The following DCUN1D1 variants were observed in gnomAD, a reference collection of about 807,000 sequenced individuals.
DCUN1D1 encodes the protein DCN1-like protein 1.
In DCUN1D1, 3 loss-of-function variants were observed where a neutral mutation model predicts 39.0. The ratio of observed to expected loss-of-function variants is 0.08; its 90% CI spans 0.04 to 0.20. The LOEUF is 0.20. Ranked by LOEUF, DCUN1D1 falls within the 10% of genes least tolerant of loss-of-function variation. The pLI, the probability that DCUN1D1 is intolerant of heterozygous loss-of-function variation, is 1.00. For missense variants in DCUN1D1, 158 were observed against 302.4 expected (o/e 0.52, Z 3.54); for synonymous variants, 82 against 96.3 (o/e 0.85, Z 0.87).
intron 4 of DCUN1D1, among the ~76,000 whole-genome samples, chr3:182,956,982 G>A (rs1302091529): frequency 2.6e-5 from 4 of 152,298 alleles, no homozygotes; most frequent in South Asian, 4.1e-4. Context: ...AATGTCTCCT[G>A]TAAGAAGAAT....
chr3:182,963,124 A>G (rs1727489276), intron 3 of DCUN1D1, among the ~76,000 whole-genome samples: 1 of 152,124 alleles, frequency 6.6e-6, no homozygotes, highest in South Asian at 2.1e-4. Flanking sequence ...ACTGACTGCA[A>G]TGTCACTCAG....
chr3:182,958,990 T>C (rs573354730), intron 4 of DCUN1D1, among the ~76,000 whole-genome samples: 1 of 152,328 alleles, frequency 6.6e-6, no homozygotes, highest in East Asian at 1.9e-4. Flanking sequence ...ATATTTAATC[T>C]TATCAAAATA....
chr3:182,955,309 T>C, intron 4 of DCUN1D1: 1 of 545,340 alleles, frequency 1.8e-6, no homozygotes, highest in Non-Finnish European at 3.7e-6. Context: ...CTTTCTTCAC[T>C]TCTTCTGCAG....
chr3:182,952,493 G>C (rs1726804752), intron 4 of DCUN1D1, among the ~76,000 whole-genome samples: 1 of 151,984 alleles, frequency 6.6e-6, no homozygotes, highest in East Asian at 1.9e-4. Flanking sequence ...TTCCAACTTG[G>C]TATCCACGAA....
intron 4 of DCUN1D1, among the ~76,000 whole-genome samples, chr3:182,960,177 C>A (rs2108644228): frequency 6.6e-6 from 1 of 152,256 alleles, no homozygotes; most frequent in East Asian, 1.9e-4. Context: ...TAGCACAGTG[C>A]CAGACATACT....
upstream of DCUN1D1, chr3:182,980,629 C>A: frequency 2.0e-6 from 2 of 1,018,310 alleles, no homozygotes; most frequent in Non-Finnish European, 2.4e-6. Context: ...CCCGAGGAGG[C>A]AGCCCCGGAC....
chr3:182,983,249 G>A (rs1245782427), upstream of DCUN1D1, among the ~76,000 whole-genome samples: 3 of 152,002 alleles, frequency 2.0e-5, no homozygotes, highest in East Asian at 1.9e-4. Flanking sequence ...CCTATCCCTG[G>A]CCTCCTAGCT....
At chr3:182,961,682 G>T (rs1727404259) in intron 3 of DCUN1D1, among the ~76,000 whole-genome samples, 1 of 152,158 alleles carries the variant, frequency 6.6e-6, no homozygotes. Context: ...ATAGTAATCA[G>T]CATAACAATC....
intron 1 of DCUN1D1, 31 bp from the exon 2 acceptor site, chr3:182,965,784 T>G: frequency 6.8e-7 from 1 of 1,468,434 alleles, no homozygotes. Flanking sequence ...ACTGAAACTC[T>G]ATGTAAAATC....
chr3:182,979,595 CT>C (rs1553846257), intron 1 of DCUN1D1, among the ~76,000 whole-genome samples: 1 of 134,204 alleles, frequency 7.5e-6, no homozygotes, highest in Non-Finnish European at 1.7e-5. Flanking sequence ...CTGGAGAGGA[CT>C]TTTTCCCCCC....
chr3:182,970,401 T>C (rs538478266), intron 1 of DCUN1D1, among the ~76,000 whole-genome samples: 4 of 152,342 alleles, frequency 2.6e-5, no homozygotes, highest in African/African-American at 9.6e-5. Context: ...AAAATGACTT[T>C]CTAGTCAACT....
At position 182,975,228 on chromosome 3, in the gene DCUN1D1, G is replaced by A. The variant is rs1266100379; in HGVS notation, c.3+5259C>T. On this transcript the variant is annotated intron_variant, in intron 1 of 6. Coordinates refer to ENST00000292782, the MANE Select transcript of DCUN1D1 (RefSeq NM_020640.4). ...GTCCCGCTCTGTCGCCCAGGCTGGAGTGCAGTGGTGCGATCTCGGCTCACT... is the reference window on the plus strand; with the variant it reads ...GTCCCGCTCTGTCGCCCAGGCTGGAATGCAGTGGTGCGATCTCGGCTCACT... Among the ~76,000 whole-genome samples the A allele has an allele frequency of 3.3e-5, 5 of 149,770 alleles. No individual in the cohort carries two copies. The East Asian group carries it at 7.8e-4, about 23-fold the overall frequency.
intron 4 of DCUN1D1, among the ~76,000 whole-genome samples, chr3:182,960,667 T>C (rs1383033392): frequency 6.6e-6 from 1 of 152,222 alleles, no homozygotes; most frequent in African/African-American, 2.4e-5. Context: ...TTACACTGTA[T>C]CTTTTACTCT....
intron 6 of DCUN1D1, among the ~76,000 whole-genome samples, chr3:182,946,108 A>G (rs1726384715): frequency 1.3e-5 from 2 of 152,152 alleles, no homozygotes; most frequent in Admixed American, 1.3e-4. Flanking sequence ...GAAGAAATCA[A>G]TGTAAATCAC....
At chr3:182,981,132 G>A (rs1178924124), upstream of DCUN1D1, among the ~76,000 whole-genome samples, 5 of 152,012 alleles carry the variant, frequency 3.3e-5, no homozygotes, top group Non-Finnish European at 5.9e-5. Flanking sequence ...CCCTGCGGTG[G>A]CTGTCACTCC....
At chr3:182,961,500 A>G (rs1234770775) in intron 3 of DCUN1D1, 144 bp from the exon 4 acceptor site, 1 of 777,834 alleles carries the variant, frequency 1.3e-6, no homozygotes, top group Non-Finnish European at 2.1e-6. Context: ...TTTATATTAC[A>G]TAAATATAAA....
At chr3:182,973,158 T>A (rs1483912465) in intron 1 of DCUN1D1, among the ~76,000 whole-genome samples, 1 of 152,136 alleles carries the variant, frequency 6.6e-6, no homozygotes, top group Non-Finnish European at 1.5e-5. Flanking sequence ...TAGAACCCTA[T>A]ATATACACAT....
chr3:182,960,743 G>A (rs1727337357), intron 4 of DCUN1D1, among the ~76,000 whole-genome samples: 1 of 152,140 alleles, frequency 6.6e-6, no homozygotes, highest in African/African-American at 2.4e-5. Context: ...AACTTTTACA[G>A]TGGTTATTTC....
intron 1 of DCUN1D1, among the ~76,000 whole-genome samples, chr3:182,974,530 C>T (rs528835170): frequency 8.0e-5 from 12 of 149,444 alleles, no homozygotes; most frequent in African/African-American, 1.7e-4. Flanking sequence ...TAAAATTCCA[C>T]GGTTAAGTTC....
Sources: gnomAD v4.1 joint callset for allele counts (sites outside exome capture counted in the v4.1 genomes callset) on GRCh38, gnomAD v4.1.1 for gene constraint, MANE v1.5 for transcripts, NCBI Gene and HGNC (gene_info 2026-07-23, HGNC 2026-07-21) for gene names.